EXT1: variants seen among roughly 807,000 people sequenced by gnomAD.
The protein encoded by EXT1 is exostosin-1.
Under a neutral mutation model 82.5 loss-of-function variants are expected in EXT1, and 20 were observed. The observed-to-expected ratio is 0.24, with a 90% CI of 0.17 to 0.35. The LOEUF is 0.35. Among genes scored for constraint, EXT1 ranks in the 10% least tolerant of loss-of-function variants. The probability of loss-of-function intolerance (pLI) is 1.00; values close to 1 mark genes in which losing one functional copy is unlikely to be tolerated. For missense variants in EXT1, 757 were observed against 936.5 expected (o/e 0.81, Z 2.50); for synonymous variants, 348 against 350.8 (o/e 0.99, Z 0.09).
chr8:118,000,214 T>C (rs1209252661), intron 1 of EXT1, among the ~76,000 whole-genome samples: 1 of 152,038 alleles, frequency 6.6e-6, no homozygotes, highest in East Asian at 1.9e-4. Flanking sequence ...AAAAGACAGA[T>C]GGAAGGGAGG....
rs906785358 is a variant in EXT1 at position 117,994,523 on chromosome 8, A to G, written c.962+115562T>C. Among the ~76,000 whole-genome samples the G allele has an allele frequency of 2.0e-5, 3 of 152,198 alleles. 1 individual carries two copies. Among genetic ancestry groups the G allele is most frequent in the Non-Finnish European group, 4.4e-5 (3 of 68,044 alleles). On this transcript the variant is annotated intron_variant, in intron 1 of 10. Coordinates refer to ENST00000378204, the MANE Select transcript of EXT1 (RefSeq NM_000127.3). ...CTACTAGGGAGAGTGAGGCAGGAGG[A>G]TCACTTGAGCCTGGGAGGTTGAGAC...
chr8:117,991,873 T>A (rs1350562418), intron 1 of EXT1, among the ~76,000 whole-genome samples: 2 of 152,214 alleles, frequency 1.3e-5, no homozygotes, highest in African/African-American at 4.8e-5. Context: ...CCAAATATCT[T>A]TTTAAGACTC....
intron 1 of EXT1, among the ~76,000 whole-genome samples, chr8:118,010,334 T>C (rs949958243): frequency 2.8e-5 from 4 of 140,600 alleles, no homozygotes; most frequent in Non-Finnish European, 6.0e-5. Flanking sequence ...ATTGCGCCAC[T>C]GCACTCCAGC....
At chr8:117,970,175 C>A (rs1299536473) in intron 1 of EXT1, among the ~76,000 whole-genome samples, 1 of 152,118 alleles carries the variant, frequency 6.6e-6, no homozygotes, top group Non-Finnish European at 1.5e-5. Context: ...TACTGGAGCA[C>A]TATAAAGAGG....
At chr8:118,061,443 A>C (rs1263898479) in intron 1 of EXT1, among the ~76,000 whole-genome samples, 1 of 152,238 alleles carries the variant, frequency 6.6e-6, no homozygotes, top group African/African-American at 2.4e-5. Context: ...AAACACATTC[A>C]ATAGAAAATG....
At position 117,942,094 on chromosome 8, in the gene EXT1, C is replaced by T. The variant is rs148398012; in HGVS notation, c.963-104893G>A. On this transcript the variant is annotated intron_variant, in intron 1 of 10. Coordinates refer to ENST00000378204, the MANE Select transcript of EXT1 (RefSeq NM_000127.3). The stretch of plus-strand genomic sequence containing the variant: ...CTACCGTCTTAGCCTCAGTAATGTC[C>T]AACCTCATTAATTTTAACATGGAGG... Among the ~76,000 whole-genome samples the T allele has an allele frequency of 5.3e-4, 80 of 152,262 alleles. 1 individual carries two copies. The East Asian group carries it at 0.014, about 26-fold the overall frequency.
At chr8:118,094,760 T>C (rs896932112) in intron 1 of EXT1, among the ~76,000 whole-genome samples, 2 of 152,192 alleles carry the variant, frequency 1.3e-5, no homozygotes, top group African/African-American at 4.8e-5. Flanking sequence ...ATGTGTAACC[T>C]CTAAGCAATC....
chr8:117,857,856 T>C (rs185551651), intron 1 of EXT1, among the ~76,000 whole-genome samples: 1 of 152,320 alleles, frequency 6.6e-6, no homozygotes, highest in Admixed American at 6.5e-5. Context: ...CTAGATGCCA[T>C]AAAGAACATT....
chr8:118,059,589 A>G (rs910243083), intron 1 of EXT1, among the ~76,000 whole-genome samples: 2 of 152,244 alleles, frequency 1.3e-5, no homozygotes, highest in Non-Finnish European at 2.9e-5. Flanking sequence ...ACACAGAGGC[A>G]GCAGCAGCTT....
intron 1 of EXT1, among the ~76,000 whole-genome samples, chr8:117,875,133 G>A (rs1041498691): frequency 3.3e-5 from 5 of 152,154 alleles, no homozygotes; most frequent in Admixed American, 6.6e-5. Context: ...GGTAGGGGAT[G>A]GGGCCAGGCG....
chr8:117,984,949 G>A (rs139070163), intron 1 of EXT1, among the ~76,000 whole-genome samples: 2 of 152,138 alleles, frequency 1.3e-5, no homozygotes, highest in African/African-American at 2.4e-5. Context: ...AGTCAGGAAC[G>A]CTACGGACGG....
chr8:117,918,175 A>T (rs1191368681), intron 1 of EXT1, among the ~76,000 whole-genome samples: 2 of 152,184 alleles, frequency 1.3e-5, no homozygotes, highest in African/African-American at 4.8e-5. Flanking sequence ...GGTATTTCCT[A>T]TTTCCCAGCA....
chr8:117,895,683 A>G (rs1199891404), intron 1 of EXT1, among the ~76,000 whole-genome samples: 1 of 152,210 alleles, frequency 6.6e-6, no homozygotes, highest in Non-Finnish European at 1.5e-5. Context: ...TTCAAAGTCT[A>G]CCAGAATAAC....
At chr8:118,016,425 C>T (rs894517855) in intron 1 of EXT1, among the ~76,000 whole-genome samples, 4 of 152,074 alleles carry the variant, frequency 2.6e-5, no homozygotes, top group African/African-American at 9.7e-5. Flanking sequence ...AAAGCCACTC[C>T]GTTTGTGGTA....
At chr8:118,057,279 T>C (rs1450534946) in intron 1 of EXT1, among the ~76,000 whole-genome samples, 2 of 152,142 alleles carry the variant, frequency 1.3e-5, no homozygotes, top group African/African-American at 4.8e-5. Context: ...ATGGCTCACA[T>C]CTGTAATCCC....
chr8:117,968,552 TA>T (rs1466511646), intron 1 of EXT1, among the ~76,000 whole-genome samples: 28 of 13,028 alleles, frequency 2.1e-3, no homozygotes, highest in Non-Finnish European at 3.2e-3. Context: ...TTTATTTATT[TA>T]TTTTTTTTTT....
chr8:118,074,465 A>G (rs765575634), intron 1 of EXT1, among the ~76,000 whole-genome samples: 37 of 152,148 alleles, frequency 2.4e-4, no homozygotes, highest in Non-Finnish European at 4.9e-4. Flanking sequence ...TGGTGCAGGC[A>G]GAGGGCGCGG....
chr8:117,931,805 A>C (rs1275607672), intron 1 of EXT1, among the ~76,000 whole-genome samples: 2 of 152,190 alleles, frequency 1.3e-5, no homozygotes, highest in Non-Finnish European at 2.9e-5. Flanking sequence ...AAGTCACTCA[A>C]GGTTTCTATT....
In EXT1 at chr8:117,931,964, C is replaced by A. The variant is rs372813247; in HGVS notation, c.963-94763G>T. On this transcript the variant is annotated intron_variant, in intron 1 of 10. Transcript: ENST00000378204. ...ATATATGAAGAAGAAAATGCCCACG[C>A]GGAAAATAAGTCAAGTGAATGCATT... Among the ~76,000 whole-genome samples, 6 of 152,168 alleles carry A rather than the reference C, an allele frequency of 3.9e-5. No individual in the cohort carries two copies. In the East Asian group the frequency reaches 5.8e-4, roughly 15 times the overall value.
Sources: allele counts gnomAD v4.1 joint callset (sites outside exome capture counted in the v4.1 genomes callset), GRCh38; gene constraint gnomAD v4.1.1; transcripts MANE v1.5; gene names NCBI Gene and HGNC (gene_info 2026-07-23, HGNC 2026-07-21).